The following LRP1B variants were observed in gnomAD, a reference collection of about 807,000 sequenced individuals.
The protein encoded by LRP1B is LDL receptor related protein 1B.
In LRP1B, 217 loss-of-function variants were observed where a neutral mutation model predicts 556.6. That is an observed-to-expected ratio of 0.39 (90% CI 0.35 to 0.44). The LOEUF is 0.44. Ranked by LOEUF, LRP1B falls within the 20% of genes least tolerant of loss-of-function variation. The pLI is 1.00. For synonymous variants in LRP1B, 2,047 were observed against 1,865.8 expected (o/e 1.10, Z -2.50); for missense variants, 5,053 against 5,620.8 (o/e 0.90, Z 3.23).
chr2:141,279,546 A>G (rs1685432299), intron 3 of LRP1B, among the ~76,000 whole-genome samples: 1 of 152,132 alleles, frequency 6.6e-6, no homozygotes, highest in African/African-American at 2.4e-5. Flanking sequence ...AAGCATTGCA[A>G]GAAAAAGTAC....
At chr2:141,107,309 A>C (rs1185558013) in intron 7 of LRP1B, among the ~76,000 whole-genome samples, 1 of 152,138 alleles carries the variant, frequency 6.6e-6, no homozygotes, top group Non-Finnish European at 1.5e-5. Flanking sequence ...AAAACAGAAA[A>C]ATTTTAGTAT....
At chr2:140,577,760 C>T (rs1035473032) in intron 43 of LRP1B, among the ~76,000 whole-genome samples, 1 of 151,984 alleles carries the variant, frequency 6.6e-6, no homozygotes, top group Non-Finnish European at 1.5e-5. Flanking sequence ...ACCATATTTG[C>T]TTGATTTATT....
intron 2 of LRP1B, among the ~76,000 whole-genome samples, chr2:141,559,203 T>G (rs1035186591): frequency 1.3e-5 from 2 of 151,668 alleles, no homozygotes; most frequent in Admixed American, 6.6e-5. Context: ...AAATTTAAAA[T>G]TTTTTACTTG....
At chr2:140,947,927 C>T (rs1695589896) in intron 20 of LRP1B, among the ~76,000 whole-genome samples, 6 of 152,032 alleles carry the variant, frequency 3.9e-5, no homozygotes, top group East Asian at 1.9e-4. Context: ...TGACAGTATA[C>T]CCATACAGTA....
intron 2 of LRP1B, among the ~76,000 whole-genome samples, chr2:141,667,103 T>G (rs981653262): frequency 6.6e-6 from 1 of 152,162 alleles, no homozygotes; most frequent in Non-Finnish European, 1.5e-5. Context: ...TATTTACATA[T>G]TCTCCTGTAT....
At chr2:142,128,579 C>T (rs17831875) in intron 1 of LRP1B, among the ~76,000 whole-genome samples, 2,811 of 152,238 alleles carry the variant, frequency 0.018, 41 homozygotes, top group Middle Eastern at 0.041. Context: ...GGGGCCCATC[C>T]TTTTCACTTT....
chr2:141,380,257 C>T (rs1689588733), intron 3 of LRP1B, among the ~76,000 whole-genome samples: 1 of 151,708 alleles, frequency 6.6e-6, no homozygotes, highest in African/African-American at 2.4e-5. Context: ...CTAAGCTTTT[C>T]CCTGGAAGGG....
At chr2:140,969,486 A>G (rs935600604) in intron 18 of LRP1B, among the ~76,000 whole-genome samples, 3 of 151,618 alleles carry the variant, frequency 2.0e-5, no homozygotes, top group Admixed American at 6.6e-5. Flanking sequence ...TAAATTTGCC[A>G]GTCTGTGTCT....
chr2:141,015,661 C>A (rs758446288), intron 13 of LRP1B, 35 bp downstream of exon 13: 2 of 1,496,796 alleles, frequency 1.3e-6, no homozygotes, highest in South Asian at 1.1e-5. Context: ...AAAAAAGAAG[C>A]CTGTGGGTTA....
intron 41 of LRP1B, among the ~76,000 whole-genome samples, chr2:140,679,249 T>G (rs2105374423): frequency 6.6e-6 from 1 of 152,330 alleles, no homozygotes; most frequent in South Asian, 2.1e-4. Context: ...CTAAAGGCCC[T>G]ATTTCCACAT....
At chr2:141,815,445 T>A (rs1696508722) in intron 1 of LRP1B, among the ~76,000 whole-genome samples, 1 of 151,986 alleles carries the variant, frequency 6.6e-6, no homozygotes, top group African/African-American at 2.4e-5. Context: ...AATTCACCAA[T>A]CAGTGCTCTG....
intron 10 of LRP1B, 67 bp downstream of exon 10, chr2:141,055,049 T>C (rs1699139056): frequency 1.3e-6 from 2 of 1,558,840 alleles, no homozygotes; most frequent in Non-Finnish European, 1.7e-6. Context: ...TTGATGCTGC[T>C]AATTAATACT....
At chr2:141,843,980 C>T (rs1301640312) in intron 1 of LRP1B, among the ~76,000 whole-genome samples, 3 of 152,120 alleles carry the variant, frequency 2.0e-5, no homozygotes, top group African/African-American at 4.8e-5. Flanking sequence ...GATCCTAAGG[C>T]TTTCATTCAC....
At chr2:140,244,987 C>T (rs1462426742) in intron 87 of LRP1B, among the ~76,000 whole-genome samples, 1 of 151,302 alleles carries the variant, frequency 6.6e-6, no homozygotes, top group East Asian at 2.0e-4. Flanking sequence ...CTTTTCCCTT[C>T]TTTCAGAGCT....
intron 86 of LRP1B, among the ~76,000 whole-genome samples, chr2:140,269,104 C>A (rs563004730): frequency 6.6e-6 from 1 of 151,998 alleles, no homozygotes; most frequent in South Asian, 2.1e-4. Context: ...GGTGCACACA[C>A]TTGTTGGTGA....
rs868339247 is a variant in LRP1B at position 141,283,803 on chromosome 2, T to C, written c.344-29162A>G. Among the ~76,000 whole-genome samples the C allele has an allele frequency of 4.0e-5, 6 of 149,626 alleles. No individual in the cohort carries two copies. In the South Asian group the frequency reaches 6.4e-4, roughly 16 times the overall value. On this transcript the variant is annotated intron_variant, in intron 3 of 90. Transcript: ENST00000389484. ...TAGAGACGTGGTTTCACCATCTTGG[T>C]CAAGGTGGGAGAGACACTTTAAAAG...
intron 32 of LRP1B, 80 bp from the exon 33 acceptor site, chr2:140,776,318 ACT>A (rs1689497124): frequency 2.0e-5 from 18 of 884,808 alleles, no homozygotes; most frequent in Admixed American, 3.7e-5. Context: ...AAACTATAAT[ACT>A]CTCTGATTTC....
At chr2:141,262,280 T>C (rs1322724075) in intron 3 of LRP1B, among the ~76,000 whole-genome samples, 3 of 151,488 alleles carry the variant, frequency 2.0e-5, no homozygotes, top group South Asian at 2.1e-4. Flanking sequence ...AGACGGAGTG[T>C]GTGTGTGTGT....
At chr2:141,340,076 C>A in intron 3 of LRP1B, among the ~76,000 whole-genome samples, 1 of 152,162 alleles carries the variant, frequency 6.6e-6, no homozygotes, top group East Asian at 1.9e-4. Flanking sequence ...CTTCTCACAC[C>A]TCTAGCCATC....
Sources: gnomAD v4.1 joint callset for allele counts (sites outside exome capture counted in the v4.1 genomes callset) on GRCh38, gnomAD v4.1.1 for gene constraint, MANE v1.5 for transcripts, NCBI Gene and HGNC (gene_info 2026-07-23, HGNC 2026-07-21) for gene names.